The following DOCK3 variants were observed in gnomAD, a reference collection of about 807,000 sequenced individuals.
DOCK3 encodes the protein dedicator of cytokinesis protein 3.
DOCK3 carries 60 observed loss-of-function variants against 265.6 expected under a neutral mutation model. The observed-to-expected ratio is 0.23, with a 90% confidence interval of 0.18 to 0.28. The LOEUF is 0.28. Ranked by LOEUF, DOCK3 falls within the 10% of genes least tolerant of loss-of-function variation. The pLI, the probability that DOCK3 is intolerant of heterozygous loss-of-function variation, is 1.00. For missense variants in DOCK3, 1,981 were observed against 2,594.3 expected (o/e 0.76, Z 5.14); for synonymous variants, 881 against 938.0 (o/e 0.94, Z 1.11).
In DOCK3 at chr3:51,090,334, T is replaced by C. The variant is rs764990216; in HGVS notation, c.696T>C (p.Asp232=). 3 of 1,605,766 alleles carry C rather than the reference T, an allele frequency of 1.9e-6. No individual in the cohort carries two copies. Among genetic ancestry groups the C allele is most frequent in the Non-Finnish European group, 2.6e-6 (3 of 1,176,022 alleles). The change falls in exon 9 of 53, where the codon GAT becomes GAC. Residue 232 remains aspartate (D), a synonymous_variant. Transcript: ENST00000266037. ...TCACTTACAATACTATTGGGGAAGA[T>C]ACCGATGTCTTCTTTTCCTTATATG... ...KSFTYNTIGE[D]TDVFFSLYDM...
chr3:50,825,356 G>A (rs1442857045), intron 2 of DOCK3, among the ~76,000 whole-genome samples: 1 of 152,206 alleles, frequency 6.6e-6, no homozygotes, highest in Non-Finnish European at 1.5e-5. Context: ...AGCAGGAATA[G>A]CTGAGAACTA....
At chr3:50,867,315 T>C (rs1168940396) in intron 3 of DOCK3, among the ~76,000 whole-genome samples, 1 of 152,152 alleles carries the variant, frequency 6.6e-6, no homozygotes, top group Non-Finnish European at 1.5e-5. Flanking sequence ...TTCTAAAAGG[T>C]TTTTTTGTGT....
chr3:50,695,845 G>A (rs967416629), intron 1 of DOCK3, among the ~76,000 whole-genome samples: 1 of 152,186 alleles, frequency 6.6e-6, no homozygotes, highest in Non-Finnish European at 1.5e-5. Flanking sequence ...CTGTAATTGA[G>A]CAAAGAATGA....
At chr3:50,925,824 C>CTTTTTTTTTTTTTTTTTTTTTTTTTT (rs368819970) in intron 4 of DOCK3, among the ~76,000 whole-genome samples, 3 of 88,426 alleles carry the variant, frequency 3.4e-5, no homozygotes, top group Admixed American at 1.1e-4. Flanking sequence ...TAAAACTAGT[C>CTTTTTTTTTTTTTTTTTTTTTTTTTT]TTTTTTTTTT....
intron 5 of DOCK3, among the ~76,000 whole-genome samples, chr3:51,015,246 C>T (rs902864258): frequency 6.6e-6 from 1 of 152,014 alleles, no homozygotes; most frequent in Non-Finnish European, 1.5e-5. Context: ...TTTCCTCATT[C>T]AGTATGATAC....
At chr3:50,924,846 A>T (rs2050677836) in intron 4 of DOCK3, among the ~76,000 whole-genome samples, 1 of 152,212 alleles carries the variant, frequency 6.6e-6, no homozygotes, top group Non-Finnish European at 1.5e-5. Context: ...AATTTACAGG[A>T]CACTGGGGAC....
At chr3:51,331,709 G>A (rs2084530350) in intron 33 of DOCK3, among the ~76,000 whole-genome samples, 1 of 152,196 alleles carries the variant, frequency 6.6e-6, no homozygotes, top group Admixed American at 6.5e-5. Context: ...TGTAATCCCA[G>A]CTACTTGGGA....
chr3:50,711,711 TCTTTC>T (rs1037415538), intron 1 of DOCK3, among the ~76,000 whole-genome samples: 1 of 152,218 alleles, frequency 6.6e-6, no homozygotes, highest in African/African-American at 2.4e-5. Flanking sequence ...TGGGAAATGT[TCTTTC>T]CTTTCGTTTT....
intron 5 of DOCK3, among the ~76,000 whole-genome samples, chr3:51,015,420 T>G (rs2079112048): frequency 6.6e-6 from 1 of 151,940 alleles, no homozygotes; most frequent in Non-Finnish European, 1.5e-5. Flanking sequence ...GTTGATGTGA[T>G]TTAGCACATT....
In DOCK3 at chr3:51,228,024, C is replaced by T. The variant is rs1189812227; in HGVS notation, c.1583C>T (p.Ser528Leu). The change falls in exon 17 of 53, where the codon TCA becomes TTA. Residue 528 changes from serine (S) to leucine (L), a missense_variant. Ser to Leu is a moderately radical substitution (Grantham distance 145). Coordinates refer to ENST00000266037, the MANE Select transcript of DOCK3 (RefSeq NM_004947.5). ...AAGAAACTCTTTGGCTTTGCATTCT[C>T]AACCCTGATGCGTGATGATGGCACC... is the stretch of plus-strand genomic sequence containing the variant. ...GEKKLFGFAF[S>L]TLMRDDGTTL... 1 of 1,613,912 alleles carries T rather than the reference C, an allele frequency of 6.2e-7. No individual in the cohort carries two copies. Among genetic ancestry groups the T allele is most frequent in the South Asian group, 1.1e-5 (1 of 91,084 alleles).
At chr3:51,159,934 G>T (rs1455684726) in intron 11 of DOCK3, among the ~76,000 whole-genome samples, 1 of 152,194 alleles carries the variant, frequency 6.6e-6, no homozygotes, top group East Asian at 1.9e-4. Flanking sequence ...TTTTATCAAA[G>T]AATATTTTTT....
At chr3:51,265,672 A>C (rs2080122814) in intron 23 of DOCK3, among the ~76,000 whole-genome samples, 2 of 152,214 alleles carry the variant, frequency 1.3e-5, no homozygotes, top group South Asian at 4.1e-4. Context: ...AAAAACTCTC[A>C]ATAAACTAGG....
chr3:51,327,806 A>G (rs984581211), intron 32 of DOCK3, among the ~76,000 whole-genome samples: 12 of 151,776 alleles, frequency 7.9e-5, no homozygotes, highest in African/African-American at 2.9e-4. Flanking sequence ...CAGCCTCCCA[A>G]GTAGCTGGGA....
intron 38 of DOCK3, among the ~76,000 whole-genome samples, chr3:51,347,767 A>G (rs75235150): frequency 5.9e-5 from 9 of 152,140 alleles, no homozygotes; most frequent in African/African-American, 9.7e-5. Context: ...TTTCCTATCC[A>G]TGAGCATGGA....
intron 27 of DOCK3, among the ~76,000 whole-genome samples, chr3:51,293,115 G>A (rs2081880761): frequency 6.6e-6 from 1 of 151,856 alleles, no homozygotes; most frequent in Non-Finnish European, 1.5e-5. Context: ...CACAGAAATA[G>A]AAAAAAACAA....
At chr3:51,301,048 A>T (rs1283646587) in intron 27 of DOCK3, among the ~76,000 whole-genome samples, 2 of 152,042 alleles carry the variant, frequency 1.3e-5, no homozygotes, top group East Asian at 3.9e-4. Context: ...TTTTTTGGTT[A>T]GTAGGCTGTT....
intron 5 of DOCK3, among the ~76,000 whole-genome samples, chr3:50,948,750 A>T (rs537321871): frequency 6.6e-6 from 1 of 152,234 alleles, no homozygotes; most frequent in South Asian, 2.1e-4. Flanking sequence ...AAGTGTTGGG[A>T]TTACAGGCAT....
intron 9 of DOCK3, among the ~76,000 whole-genome samples, chr3:51,138,405 GTTATT>G (rs1417109390): frequency 6.6e-6 from 1 of 152,150 alleles, no homozygotes; most frequent in Non-Finnish European, 1.5e-5. Context: ...GAAAAAAACA[GTTATT>G]TTGAGTGTTA....
intron 2 of DOCK3, among the ~76,000 whole-genome samples, chr3:50,836,218 G>A (rs2045500700): frequency 6.6e-6 from 1 of 152,182 alleles, no homozygotes; most frequent in East Asian, 1.9e-4. Flanking sequence ...GCCCCGGGGG[G>A]GACTCCATGT....
Sources: allele counts gnomAD v4.1 joint callset (sites outside exome capture counted in the v4.1 genomes callset), GRCh38; gene constraint gnomAD v4.1.1; transcripts MANE v1.5; gene names NCBI Gene and HGNC (gene_info 2026-07-23, HGNC 2026-07-21).